The following TAFA1 variants were observed in gnomAD, a reference collection of about 807,000 sequenced individuals.
The protein encoded by TAFA1 is chemokine-like protein TAFA-1.
In TAFA1, 4 loss-of-function variants were observed where a neutral mutation model predicts 18.5. The ratio of observed to expected loss-of-function variants is 0.22; its 90% CI spans 0.11 to 0.49. TAFA1 has a LOEUF of 0.49. Among genes scored for constraint, TAFA1 ranks in the 20% least tolerant of loss-of-function variants. TAFA1 has a pLI of 0.98. For synonymous variants in TAFA1, 56 were observed against 55.2 expected (o/e 1.01, Z -0.06); for missense variants, 147 against 169.0 (o/e 0.87, Z 0.72).
chr3:68,490,503 C>A (rs1006684587), intron 3 of TAFA1, among the ~76,000 whole-genome samples: 11 of 152,056 alleles, frequency 7.2e-5, no homozygotes, highest in African/African-American at 2.4e-4. Context: ...TATGTAAGGG[C>A]AAATTTTCTT....
intron 2 of TAFA1, among the ~76,000 whole-genome samples, chr3:68,146,571 A>T (rs1468430590): frequency 6.6e-6 from 1 of 152,216 alleles, no homozygotes; most frequent in Non-Finnish European, 1.5e-5. Flanking sequence ...TGGATGTATT[A>T]AAGGCTCTGA....
chr3:68,248,722 TGGTGGGCGGGGGGC>T (rs2067133041), intron 2 of TAFA1, among the ~76,000 whole-genome samples: 1 of 2,130 alleles, frequency 4.7e-4, no homozygotes, highest in Non-Finnish European at 1.1e-3. Context: ...GCGGGGTGGG[TGGTGGGCGGGGGGC>T]GGGGGGCGGG....
intron 2 of TAFA1, among the ~76,000 whole-genome samples, chr3:68,098,713 C>G (rs1240563554): frequency 6.6e-6 from 1 of 151,998 alleles, no homozygotes; most frequent in African/African-American, 2.4e-5. Flanking sequence ...CAATCCTAAG[C>G]AAAAAGAACA....
At chr3:68,542,705 G>T (rs186830503) in intron 4 of TAFA1, among the ~76,000 whole-genome samples, 1 of 152,220 alleles carries the variant, frequency 6.6e-6, no homozygotes. Flanking sequence ...AAAGGGAAAA[G>T]GGTGGATATT....
chr3:68,068,392 G>A (rs554563079), intron 2 of TAFA1, among the ~76,000 whole-genome samples: 1 of 152,218 alleles, frequency 6.6e-6, no homozygotes, highest in African/African-American at 2.4e-5. Context: ...AGCTCAGACG[G>A]ATTTCTCTTG....
At chr3:68,492,926 C>G (rs1441005616) in intron 3 of TAFA1, among the ~76,000 whole-genome samples, 1 of 152,124 alleles carries the variant, frequency 6.6e-6, no homozygotes, top group Non-Finnish European at 1.5e-5. Flanking sequence ...TGGCTCCATC[C>G]AAGATGTGCT....
chr3:68,428,192 G>T (rs1472331547), intron 3 of TAFA1, among the ~76,000 whole-genome samples: 1 of 151,868 alleles, frequency 6.6e-6, no homozygotes, highest in Non-Finnish European at 1.5e-5. Context: ...AGAGGAGGAA[G>T]GAAGGACCAC....
intron 2 of TAFA1, among the ~76,000 whole-genome samples, chr3:68,023,895 T>C (rs964152496): frequency 3.9e-5 from 6 of 152,178 alleles, no homozygotes; most frequent in Admixed American, 2.6e-4. Context: ...CTTTTCTCCA[T>C]CAAATCTCTT....
chr3:68,459,310 A>C (rs115332305), intron 3 of TAFA1, among the ~76,000 whole-genome samples: 119 of 152,314 alleles, frequency 7.8e-4, no homozygotes, highest in African/African-American at 2.8e-3. Flanking sequence ...ATAAGCAATA[A>C]CACTATTTTT....
chr3:68,418,070 C>T (rs1016642497), intron 3 of TAFA1, among the ~76,000 whole-genome samples: 1 of 152,014 alleles, frequency 6.6e-6, no homozygotes. Flanking sequence ...ACATGAAGGT[C>T]CAGCTCATTT....
intron 2 of TAFA1, among the ~76,000 whole-genome samples, chr3:68,385,835 A>G (rs1302255201): frequency 6.6e-6 from 1 of 152,134 alleles, no homozygotes; most frequent in African/African-American, 2.4e-5. Flanking sequence ...TTTATGAGGT[A>G]TATAGTGATG....
chr3:68,035,647 AT>A (rs1189688517), intron 2 of TAFA1, among the ~76,000 whole-genome samples: 2 of 152,190 alleles, frequency 1.3e-5, no homozygotes, highest in African/African-American at 4.8e-5. Context: ...TTAAACATAC[AT>A]TTACTTTACG....
chr3:68,291,586 A>G (rs758419183), intron 2 of TAFA1, among the ~76,000 whole-genome samples: 1 of 152,266 alleles, frequency 6.6e-6, no homozygotes, highest in East Asian at 1.9e-4. Flanking sequence ...TGTTGACAGA[A>G]TCTTGTGAAA....
chr3:67,998,650 GA>G, the TAFA1 span, among the ~76,000 whole-genome samples: 12 of 152,188 alleles, frequency 7.9e-5, no homozygotes, highest in Admixed American at 6.5e-5. Flanking sequence ...TTCCTATGTG[GA>G]TGAGGAAGCA....
intron 2 of TAFA1, chr3:68,145,186 A>G: frequency 1.2e-6 from 1 of 817,252 alleles, no homozygotes; most frequent in Non-Finnish European, 2.2e-6. Context: ...AAAGAATACC[A>G]CCTGCTACAA....
At chr3:68,516,420 G>T (rs1233452857) in intron 3 of TAFA1, among the ~76,000 whole-genome samples, 1 of 152,066 alleles carries the variant, frequency 6.6e-6, no homozygotes, top group Non-Finnish European at 1.5e-5. Context: ...TGTTAGCCTT[G>T]GTTTGTACAT....
chr3:68,014,498 C>G (rs1704533075), intron 2 of TAFA1, among the ~76,000 whole-genome samples: 2 of 152,066 alleles, frequency 1.3e-5, no homozygotes, highest in Admixed American at 1.3e-4. Flanking sequence ...TTCAAGATCT[C>G]CTTTAAGTTG....
chr3:68,169,558 G>T (rs1294813079), intron 2 of TAFA1, among the ~76,000 whole-genome samples: 1 of 152,154 alleles, frequency 6.6e-6, no homozygotes, highest in African/African-American at 2.4e-5. Flanking sequence ...GATAATCATT[G>T]CTTTAAGCTC....
chr3:68,517,059 C>G (rs959009578), intron 3 of TAFA1, among the ~76,000 whole-genome samples: 2 of 152,164 alleles, frequency 1.3e-5, no homozygotes, highest in Non-Finnish European at 2.9e-5. Flanking sequence ...CAGACGTGAG[C>G]CACCGCGCCT....
Sources: gnomAD v4.1 joint callset for allele counts (sites outside exome capture counted in the v4.1 genomes callset) on GRCh38, gnomAD v4.1.1 for gene constraint, MANE v1.5 for transcripts, NCBI Gene and HGNC (gene_info 2026-07-23, HGNC 2026-07-21) for gene names.